Variants in ATF2 observed in about 807,000 individuals in gnomAD.
The protein encoded by ATF2 is activating transcription factor 2.
A neutral mutation model predicts 60.6 loss-of-function variants in ATF2; 24 were observed. The observed-to-expected ratio is 0.40, with a 90% confidence interval of 0.29 to 0.56. The LOEUF (loss-of-function observed/expected upper bound fraction) is 0.56. ATF2 is among the 20% of genes least tolerant of loss of function. The probability of loss-of-function intolerance (pLI) is 0.54; values close to 1 mark genes in which losing one functional copy is unlikely to be tolerated. For missense variants in ATF2, 433 were observed against 607.7 expected (o/e 0.71, Z 3.02); for synonymous variants, 206 against 215.4 (o/e 0.96, Z 0.38).
In ATF2 at chr2:175,121,217, C is replaced by A. The variant is rs1696934979; in HGVS notation, c.199+227G>T. On this transcript the variant is annotated intron_variant, in intron 5 of 13. Coordinates refer to ENST00000264110, the MANE Select transcript of ATF2 (RefSeq NM_001880.4). ...ATGTTCCCAGAGTTCTAATGAACTT[C>A]CACAAAATCGACATTGGAATATAAA... Among the ~76,000 whole-genome samples the A allele has an allele frequency of 6.6e-6, 1 of 151,572 alleles. No homozygotes were observed. Among genetic ancestry groups the A allele is most frequent in the Non-Finnish European group, 1.5e-5 (1 of 67,718 alleles).
chr2:175,104,047 T>TTA (rs1695479096), intron 10 of ATF2, among the ~76,000 whole-genome samples: 1 of 107,342 alleles, frequency 9.3e-6, no homozygotes, highest in Non-Finnish European at 1.9e-5. Flanking sequence ...CTCTGAAGAC[T>TTA]TTTTTTTTTT....
chr2:175,164,902 G>A lies in ATF2; in HGVS notation c.-143+3148C>T, dbSNP rs1376915838. On this transcript the variant is annotated intron_variant, in intron 1 of 13. Transcript: ENST00000264110. ...GATGCAGTCTCATTCTGTTGCCCAG[G>A]CTAGAGTGCAGTGGCACGATCGGCT... 2.6e-5 allele frequency among the ~76,000 whole-genome samples: 4 copies of A among 152,306 alleles called. No homozygotes were observed. In the South Asian group the frequency reaches 8.3e-4, roughly 32 times the overall value.
At position 175,073,774 on chromosome 2, in the gene ATF2, C is replaced by T. The variant is rs183304914; in HGVS notation, c.*835G>A. 6.6e-6 allele frequency: 1 copy of T among 151,600 alleles called. No individual in the cohort carries two copies. Among genetic ancestry groups the T allele is most frequent in the Admixed American group, 6.6e-5 (1 of 15,208 alleles). The allele number at this position is 151,600 out of a possible 1,614,324, so 9.4% of individuals were successfully genotyped here. ...AACCTGAAATCTGTAAAAACAACAA[C>T]AAAAAAACCAAAAACAAGAGCTAAT... On this transcript the variant is annotated 3_prime_UTR_variant, in exon 14 of 14. Transcript: ENST00000264110.
At chr2:175,141,846 A>G (rs1417897201) in intron 2 of ATF2, among the ~76,000 whole-genome samples, 1 of 152,114 alleles carries the variant, frequency 6.6e-6, no homozygotes, top group Non-Finnish European at 1.5e-5. Context: ...CATGTATGCT[A>G]TCTACATGTG....
At chr2:175,123,319 C>G (rs1235708950) in intron 4 of ATF2, among the ~76,000 whole-genome samples, 1 of 151,948 alleles carries the variant, frequency 6.6e-6, no homozygotes, top group Non-Finnish European at 1.5e-5. Context: ...GTCTTACATC[C>G]TACACTAAAA....
chr2:175,142,720 AGTGTGTGTGT>A (rs755635658), intron 2 of ATF2, among the ~76,000 whole-genome samples: 52 of 71,100 alleles, frequency 7.3e-4, no homozygotes, highest in Non-Finnish European at 1.5e-3. Context: ...AGAGAGAGAG[AGTGTGTGTGT>A]GTGTGTGTGT....
At chr2:175,120,783 T>C (rs1416683633) in intron 5 of ATF2, among the ~76,000 whole-genome samples, 1 of 151,626 alleles carries the variant, frequency 6.6e-6, no homozygotes, top group Non-Finnish European at 1.5e-5. Flanking sequence ...TATACATAGA[T>C]GTGTGTGTGT....
At chr2:175,109,076 T>C (rs185940538) in intron 10 of ATF2, among the ~76,000 whole-genome samples, 3 of 151,814 alleles carry the variant, frequency 2.0e-5, no homozygotes, top group East Asian at 1.9e-4. Context: ...CCAGAGACCT[T>C]TGTTCACTTG....
intron 2 of ATF2, among the ~76,000 whole-genome samples, chr2:175,144,246 A>G (rs1698797311): frequency 6.6e-6 from 1 of 152,164 alleles, no homozygotes; most frequent in Non-Finnish European, 1.5e-5. Context: ...AAATGAGGAG[A>G]CTGAGGTCTG....
intron 12 of ATF2, among the ~76,000 whole-genome samples, chr2:175,084,898 G>A (rs756118856): frequency 6.6e-6 from 1 of 152,130 alleles, no homozygotes; most frequent in Non-Finnish European, 1.5e-5. Flanking sequence ...TGAGTAGACA[G>A]ACATATTTTA....
chr2:175,120,782 ATGTG>A (rs1239736895), intron 5 of ATF2, among the ~76,000 whole-genome samples: 1 of 151,710 alleles, frequency 6.6e-6, no homozygotes, highest in Non-Finnish European at 1.5e-5. Flanking sequence ...ATATACATAG[ATGTG>A]TGTGTGTATA....
intron 7 of ATF2, among the ~76,000 whole-genome samples, chr2:175,116,820 C>CA (rs1559082477): frequency 6.6e-6 from 1 of 151,912 alleles, no homozygotes; most frequent in African/African-American, 2.4e-5. Flanking sequence ...AGATTTGTAT[C>CA]AGAGATTTAA....
Position 175,140,777 on chromosome 2 carries a change from G to C in ATF2, c.-43-4291C>G, listed in dbSNP as rs372785422. ...GCCGAGGCAGAAGGATCAGAGGCCA[G>C]GAGTTCAAGACCACCCTGGGGAACA... is the stretch of plus-strand genomic sequence containing the variant. On this transcript the variant is annotated intron_variant, in intron 2 of 13. Coordinates refer to ENST00000264110, the MANE Select transcript of ATF2 (RefSeq NM_001880.4). Among the ~76,000 whole-genome samples the C allele has an allele frequency of 4.0e-5, 6 of 149,626 alleles. 1 individual carries two copies. In the East Asian group the frequency reaches 9.8e-4, roughly 24 times the overall value.
intron 1 of ATF2, among the ~76,000 whole-genome samples, chr2:175,165,059 C>G (rs1265742082): frequency 6.6e-6 from 1 of 152,054 alleles, no homozygotes; most frequent in African/African-American, 2.4e-5. Flanking sequence ...CTGACCTCAG[C>G]TGATCCGCCT....
At chr2:175,155,952 TC>T (rs777917052) in intron 1 of ATF2, among the ~76,000 whole-genome samples, 8 of 152,226 alleles carry the variant, frequency 5.3e-5, no homozygotes, top group Non-Finnish European at 1.2e-4. Flanking sequence ...TTATCAAGTT[TC>T]TTTTCAGGAG....
intron 8 of ATF2, 80 bp downstream of exon 8, chr2:175,114,610 T>C: frequency 6.5e-7 from 1 of 1,535,944 alleles, no homozygotes; most frequent in Non-Finnish European, 8.8e-7. Flanking sequence ...TTAGTTTGAA[T>C]AATCAAATGT....
chr2:175,163,166 AATAAATAAATAAATAAATGC>A lies in ATF2; in HGVS notation c.-143+4864_-143+4883del, dbSNP rs1206616179. 9.9e-3 allele frequency among the ~76,000 whole-genome samples: 272 copies of A among 27,400 alleles called. 1 individual carries two copies. The East Asian group carries it at 0.12, about 13-fold the overall frequency. 18.0% of individuals were successfully genotyped at this position (27,400 alleles called of 152,430 possible). ...AAATAAATAAATAAATAAATAAATA[AATAAATAAATAAATAAATGC>A]AAGCAAACATACTAGCCCGAACAGT... On this transcript the variant is annotated intron_variant, in intron 1 of 13. Transcript: ENST00000264110.
At chr2:175,159,707 G>C (rs2105358014) in intron 1 of ATF2, among the ~76,000 whole-genome samples, 1 of 152,254 alleles carries the variant, frequency 6.6e-6, no homozygotes, top group South Asian at 2.1e-4. Context: ...TTTTAAGTGA[G>C]TCTTGATTAT....
intron 10 of ATF2, among the ~76,000 whole-genome samples, chr2:175,108,629 G>A (rs1366268150): frequency 1.3e-5 from 2 of 152,050 alleles, no homozygotes; most frequent in Admixed American, 1.3e-4. Context: ...GCCCCTTCTG[G>A]GAAGTGAGGA....
Sources: gnomAD v4.1 joint callset for allele counts (sites outside exome capture counted in the v4.1 genomes callset) on GRCh38, gnomAD v4.1.1 for gene constraint, MANE v1.5 for transcripts, NCBI Gene and HGNC (gene_info 2026-07-23, HGNC 2026-07-21) for gene names.